Variants in AGBL2 observed in about 807,000 individuals in gnomAD.
The protein encoded by AGBL2 is AGBL carboxypeptidase 2.
AGBL2 carries 87 observed loss-of-function variants against 103.0 expected under a neutral mutation model. The ratio of observed to expected loss-of-function variants is 0.84; its 90% CI spans 0.71 to 1.01. The LOEUF is 1.01. Among genes scored for constraint, AGBL2 ranks in the 50% least tolerant of loss-of-function variants. The probability of loss-of-function intolerance (pLI) is 0.00; values close to 1 mark genes in which losing one functional copy is unlikely to be tolerated. For missense variants in AGBL2, 904 were observed against 1,023.5 expected (o/e 0.88, Z 1.59); for synonymous variants, 335 against 356.7 (o/e 0.94, Z 0.69).
intron 14 of AGBL2, among the ~76,000 whole-genome samples, chr11:47,669,712 CAG>C (rs1303917630): frequency 6.6e-6 from 1 of 151,424 alleles, no homozygotes; most frequent in African/African-American, 2.4e-5. Flanking sequence ...TTTTTTGAGA[CAG>C]AGTCTCCCTA....
In AGBL2 at chr11:47,704,668, T is replaced by C; in HGVS notation, c.461A>G (p.Asp154Gly). 1 of 1,614,102 alleles carries C rather than the reference T, an allele frequency of 6.2e-7. No homozygotes were observed. Among genetic ancestry groups the C allele is most frequent in the Non-Finnish European group, 8.5e-7 (1 of 1,180,004 alleles). ...RSRQLLYDEL[D>G]EVNPRLREPQ... ...TTCTCGAAGACGTGGGTTTACTTCA[T>C]CCAACTCATCATAAAGAAGCTGTCT... The change falls in exon 7 of 19, where the codon GAT becomes GGT. Residue 154 changes from aspartate (D) to glycine (G), a missense_variant. Coordinates refer to ENST00000525123, the MANE Select transcript of AGBL2 (RefSeq NM_024783.4).
intron 3 of AGBL2, chr11:47,711,052 TCTAATCTATAATAAAA>T: frequency 3.9e-6 from 1 of 256,230 alleles, no homozygotes. Context: ...ACATGTACCC[TCTAATCTATAATAAAA>T]GTTGAAAAAA....
chr11:47,694,432 C>G (rs78334399), intron 8 of AGBL2, among the ~76,000 whole-genome samples: 2,610 of 152,202 alleles, frequency 0.017, 28 homozygotes, highest in Non-Finnish European at 0.026. Flanking sequence ...GCCATGTATA[C>G]TGCGTTCTCC....
At chr11:47,698,168 ATTTTTTT>A (rs35161992) in intron 8 of AGBL2, among the ~76,000 whole-genome samples, 9 of 79,836 alleles carry the variant, frequency 1.1e-4, no homozygotes, top group East Asian at 3.6e-4. Flanking sequence ...AGTCTACATA[ATTTTTTT>A]TTTTTTTTTT....
At chr11:47,666,458 G>T (rs929794157) in intron 17 of AGBL2, among the ~76,000 whole-genome samples, 3 of 151,830 alleles carry the variant, frequency 2.0e-5, no homozygotes, top group Non-Finnish European at 4.4e-5. Flanking sequence ...CTAAACATTG[G>T]CTGAGTGTCT....
intron 13 of AGBL2, among the ~76,000 whole-genome samples, chr11:47,679,496 C>T: frequency 6.6e-6 from 1 of 152,064 alleles, no homozygotes; most frequent in African/African-American, 2.4e-5. Context: ...TGAGGTCTTA[C>T]CATTTGTAGA....
intron 11 of AGBL2, among the ~76,000 whole-genome samples, chr11:47,683,375 A>G (rs971590030): frequency 6.6e-6 from 1 of 152,034 alleles, no homozygotes; most frequent in African/African-American, 2.4e-5. Context: ...CAAAAAACAA[A>G]AGAGAGAGAG....
intron 17 of AGBL2, 129 bp from the exon 18 acceptor site, chr11:47,663,241 A>G: frequency 3.2e-6 from 2 of 633,950 alleles, no homozygotes; most frequent in Non-Finnish European, 5.3e-6. Context: ...ATAAAAGGAC[A>G]GGCAAAACAT....
At chr11:47,680,576 C>T (rs141312581) in intron 12 of AGBL2, among the ~76,000 whole-genome samples, 7 of 152,108 alleles carry the variant, frequency 4.6e-5, no homozygotes, top group Non-Finnish European at 8.8e-5. Context: ...CCTAGGAGTT[C>T]GAGACTAGCC....
chr11:47,660,324 A>G lies in AGBL2; in HGVS notation c.2558T>C (p.Val853Ala). 1.2e-6 allele frequency: 2 copies of G among 1,613,562 alleles called. No individual in the cohort carries two copies. Among genetic ancestry groups the G allele is most frequent in the Non-Finnish European group, 1.7e-6 (2 of 1,179,880 alleles). Residue 853 changes from valine (V) to alanine (A), a missense_variant, in exon 19 of 19, where the codon GTA becomes GCA. Transcript: ENST00000525123. ...TATGGTTCTCTTTGGAGAGCATGATACTGTAAAGCCTGGCTTCTTATTCTG... is the reference window on the plus strand; with the variant it reads ...TATGGTTCTCTTTGGAGAGCATGATGCTGTAAAGCCTGGCTTCTTATTCTG... Reference protein sequence around the residue: ...RMQNKKPGFTVSCSPKRTINS... With the variant: ...RMQNKKPGFTASCSPKRTINS...
intron 3 of AGBL2, among the ~76,000 whole-genome samples, chr11:47,713,780 G>A (rs201275104): frequency 1.9e-3 from 283 of 151,328 alleles, no homozygotes; most frequent in Middle Eastern, 0.014. Context: ...TAGTAGAGAC[G>A]GGGTTTCACC....
At chr11:47,706,456 C>T (rs762639308) in intron 4 of AGBL2, among the ~76,000 whole-genome samples, 5 of 152,026 alleles carry the variant, frequency 3.3e-5, no homozygotes, top group Admixed American at 6.6e-5. Flanking sequence ...GCGGAGCTTG[C>T]GGTGAGCCTA....
At chr11:47,661,754 G>A (rs951772115) in intron 18 of AGBL2, among the ~76,000 whole-genome samples, 22 of 150,844 alleles carry the variant, frequency 1.5e-4, no homozygotes, top group Non-Finnish European at 5.9e-5. Context: ...TAGCTGTTTT[G>A]CCACCTTTTT....
At chr11:47,696,010 C>CA (rs1171058500) in intron 8 of AGBL2, among the ~76,000 whole-genome samples, 1,155 of 17,016 alleles carry the variant, frequency 0.068, 12 homozygotes, top group African/African-American at 0.12. Flanking sequence ...ACTAAAAATA[C>CA]AAAAAAAAAA....
At chr11:47,670,694 T>TAA (rs34269602) in intron 14 of AGBL2, among the ~76,000 whole-genome samples, 143 of 142,074 alleles carry the variant, frequency 1.0e-3, no homozygotes, top group African/African-American at 1.5e-3. Context: ...CTGTCTCTAT[T>TAA]AAAAAAAAAA....
chr11:47,663,756 A>G (rs1292725961), intron 17 of AGBL2, among the ~76,000 whole-genome samples: 1 of 150,192 alleles, frequency 6.7e-6, no homozygotes, highest in African/African-American at 2.5e-5. Flanking sequence ...GGGTTTTTCC[A>G]TGTTGGTCAG....
At position 47,660,183 on chromosome 11, in the gene AGBL2, G is replaced by A. The variant is rs1411813730; in HGVS notation, c.2699C>T (p.Thr900Ile). Residue 900 changes from threonine (T) to isoleucine (I), a missense_variant, in exon 19 of 19, where the codon ACA becomes ATA. Thr to Ile is a moderately conservative substitution (Grantham distance 89). Transcript: ENST00000525123. ...MAAYPSLHIY[T>I]YP ...ACAGCCCAGGCTCACCTACGGGTAT[G>A]TGTATATGTGCAAGGATGGGTATGC... 2.5e-6 allele frequency: 4 copies of A among 1,613,596 alleles called. No homozygotes were observed. The highest frequency in any genetic ancestry group is 3.4e-6 in the Non-Finnish European group (4 of 1,179,830).
chr11:47,660,405 T>A, intron 18 of AGBL2, 59 bp from the exon 19 acceptor site: 1 of 1,524,818 alleles, frequency 6.6e-7, no homozygotes, highest in Non-Finnish European at 8.9e-7. Flanking sequence ...TCCAAATATG[T>A]AGTTAGGGTT....
At chr11:47,676,797 G>C (rs2097376729) in intron 14 of AGBL2, among the ~76,000 whole-genome samples, 1 of 132,636 alleles carries the variant, frequency 7.5e-6, no homozygotes, top group Non-Finnish European at 1.5e-5. Context: ...CTGGGCGACA[G>C]AGCGAGCCTC....
Sources: allele counts gnomAD v4.1 joint callset (sites outside exome capture counted in the v4.1 genomes callset), GRCh38; gene constraint gnomAD v4.1.1; transcripts MANE v1.5; gene names NCBI Gene and HGNC (gene_info 2026-07-23, HGNC 2026-07-21).